ELMO1: variants seen among roughly 807,000 people sequenced by gnomAD.
ELMO1 encodes engulfment and cell motility 1.
ELMO1 carries 26 observed loss-of-function variants against 98.9 expected under a neutral mutation model. That is an observed-to-expected ratio of 0.26 (90% CI 0.19 to 0.36). ELMO1 has a LOEUF of 0.36. Among genes scored for constraint, ELMO1 ranks in the 10% least tolerant of loss-of-function variants. The pLI is 1.00. For missense variants in ELMO1, 627 were observed against 935.2 expected, an observed-to-expected ratio of 0.67 and a Z score of 4.30; for synonymous variants, 346 against 346.0, an observed-to-expected ratio of 1.00 and a Z score of 0.00.
In ELMO1 at chr7:37,206,171, T is replaced by A. The variant is rs114630342; in HGVS notation, c.1086+5215A>T. ...CAATCATAAGATCGTAATAATAGCATCTAGATTCACAGACTATGTAGCAAG... is the reference window on the plus strand; with the variant it reads ...CAATCATAAGATCGTAATAATAGCAACTAGATTCACAGACTATGTAGCAAG... On this transcript the variant is annotated intron_variant, in intron 13 of 21. Transcript: ENST00000310758. Among the ~76,000 whole-genome samples the A allele has an allele frequency of 7.1e-3, 1,079 of 152,304 alleles. 9 individuals are homozygous for A. The highest frequency in any genetic ancestry group is 0.019 in the African/African-American group (780 of 41,548).
intron 1 of ELMO1, among the ~76,000 whole-genome samples, chr7:37,418,571 T>C (rs1222855384): frequency 6.6e-6 from 1 of 152,074 alleles, no homozygotes; most frequent in Non-Finnish European, 1.5e-5. Context: ...AGAAAGAGCT[T>C]CAGTAGTGGG....
chr7:37,250,767 G>A (rs914712734), intron 6 of ELMO1, among the ~76,000 whole-genome samples: 1 of 149,548 alleles, frequency 6.7e-6, no homozygotes, highest in Non-Finnish European at 1.5e-5. Flanking sequence ...ACTCCAGCCT[G>A]GGTGACAAAG....
At chr7:37,041,954 T>C (rs75956230) in intron 15 of ELMO1, among the ~76,000 whole-genome samples, 87 of 152,248 alleles carry the variant, frequency 5.7e-4, no homozygotes, top group Middle Eastern at 3.4e-3. Flanking sequence ...ATATATGTAA[T>C]TGTTTTAGTG....
Position 37,117,158 on chromosome 7 carries a change from A to G in ELMO1, c.1191+15972T>C, listed in dbSNP as rs549001292. On this transcript the variant is annotated intron_variant, in intron 14 of 21. Coordinates refer to ENST00000310758, the MANE Select transcript of ELMO1 (RefSeq NM_014800.11). ...GGGTCACTCAGCCTACAGTTGGGAT[A>G]AATTTCAAAACACCACGTGGAGCTG... 3.4e-5 allele frequency: 7 copies of G among 203,126 alleles called. No individual in the cohort carries two copies. The East Asian group carries it at 7.9e-4, about 23-fold the overall frequency. 12.6% of individuals were successfully genotyped at this position (203,126 alleles called of 1,614,324 possible).
intron 13 of ELMO1, among the ~76,000 whole-genome samples, chr7:37,191,222 G>A (rs1000698390): frequency 2.0e-5 from 3 of 150,154 alleles, no homozygotes; most frequent in Admixed American, 6.6e-5. Flanking sequence ...AAAATATCTG[G>A]AAAGATATAC....
chr7:36,993,301 G>T (rs1791991429), intron 16 of ELMO1, among the ~76,000 whole-genome samples: 1 of 152,124 alleles, frequency 6.6e-6, no homozygotes, highest in Admixed American at 6.6e-5. Flanking sequence ...TTTAACTTTG[G>T]ATCTTGGTAG....
intron 13 of ELMO1, among the ~76,000 whole-genome samples, chr7:37,190,040 CAA>C (rs34898853): frequency 4.4e-5 from 6 of 135,822 alleles, no homozygotes; most frequent in Admixed American, 7.4e-5. Flanking sequence ...TTGTCCCTAC[CAA>C]AAAAAAAAAA....
intron 2 of ELMO1, among the ~76,000 whole-genome samples, chr7:37,331,082 T>TA (rs398111248): frequency 0.031 from 1 of 32 alleles, no homozygotes; most frequent in East Asian, 0.25. Flanking sequence ...AACTTATGAG[T>TA]GTTTACTTCT....
At chr7:37,421,878 T>G (rs1025333564) in intron 1 of ELMO1, among the ~76,000 whole-genome samples, 1 of 152,164 alleles carries the variant, frequency 6.6e-6, no homozygotes, top group Non-Finnish European at 1.5e-5. Flanking sequence ...TACAATGCAG[T>G]GGGACTGAAC....
chr7:37,034,244 G>A (rs1795051832), intron 15 of ELMO1, among the ~76,000 whole-genome samples: 2 of 152,138 alleles, frequency 1.3e-5, no homozygotes, highest in Admixed American at 1.3e-4. Context: ...CAATAGGACT[G>A]GTGCCCTTAT....
At chr7:36,974,898 C>T (rs1790388525) in intron 16 of ELMO1, among the ~76,000 whole-genome samples, 1 of 151,686 alleles carries the variant, frequency 6.6e-6, no homozygotes, top group African/African-American at 2.4e-5. Context: ...ACCTTAAGAG[C>T]TGTAACACTC....
At chr7:36,860,322 A>T (rs560735956) in intron 21 of ELMO1, among the ~76,000 whole-genome samples, 1 of 152,182 alleles carries the variant, frequency 6.6e-6, no homozygotes, top group East Asian at 1.9e-4. Flanking sequence ...TGAGGTATTC[A>T]GTTCTGGGAG....
intron 5 of ELMO1, among the ~76,000 whole-genome samples, chr7:37,266,205 C>G (rs532267608): frequency 2.3e-4 from 35 of 152,118 alleles, no homozygotes; most frequent in African/African-American, 7.5e-4. Context: ...ATGTTACAAC[C>G]CTTTATTAGT....
chr7:37,421,891 C>A (rs1259999583), intron 1 of ELMO1, among the ~76,000 whole-genome samples: 2 of 152,174 alleles, frequency 1.3e-5, no homozygotes, highest in Non-Finnish European at 2.9e-5. Context: ...GACTGAACCA[C>A]AAGAAGCTGG....
intron 14 of ELMO1, among the ~76,000 whole-genome samples, chr7:37,097,303 C>T (rs974768306): frequency 2.6e-5 from 4 of 152,114 alleles, no homozygotes; most frequent in Admixed American, 2.0e-4. Context: ...TGCGGGAGGC[C>T]GAGGCGGGCG....
At chr7:37,225,255 T>C (rs934827502) in intron 8 of ELMO1, among the ~76,000 whole-genome samples, 1 of 152,176 alleles carries the variant, frequency 6.6e-6, no homozygotes, top group Non-Finnish European at 1.5e-5. Context: ...GATAAGCAAA[T>C]GTTTTAAAAA....
intron 15 of ELMO1, among the ~76,000 whole-genome samples, chr7:37,035,628 T>A (rs539574009): frequency 1.3e-5 from 2 of 152,234 alleles, no homozygotes; most frequent in Admixed American, 1.3e-4. Context: ...CAACTTTTTC[T>A]TATAATATCA....
At chr7:37,188,487 T>TAAA (rs869157346) in intron 13 of ELMO1, among the ~76,000 whole-genome samples, 47 of 32,054 alleles carry the variant, frequency 1.5e-3, no homozygotes, top group African/African-American at 3.2e-3. Flanking sequence ...TGGAGAAAGG[T>TAAA]AAAAAAAAAA....
chr7:37,124,966 C>T (rs1230739381), intron 14 of ELMO1, among the ~76,000 whole-genome samples: 1 of 152,130 alleles, frequency 6.6e-6, no homozygotes, highest in African/African-American at 2.4e-5. Context: ...GAACAGAGCC[C>T]TCAGAAATAA....
Sources: allele counts gnomAD v4.1 joint callset (sites outside exome capture counted in the v4.1 genomes callset), GRCh38; gene constraint gnomAD v4.1.1; transcripts MANE v1.5; gene names NCBI Gene and HGNC (gene_info 2026-07-23, HGNC 2026-07-21).